REXO1: variants seen among roughly 807,000 people sequenced by gnomAD.
The protein encoded by REXO1 is REX1, RNA exonuclease 1 homolog.
REXO1 carries 42 observed loss-of-function variants against 102.6 expected under a neutral mutation model. The observed-to-expected ratio is 0.41, with a 90% confidence interval of 0.32 to 0.53. The LOEUF (loss-of-function observed/expected upper bound fraction) is 0.53, where lower values mean the gene tolerates loss of function less well. REXO1 is among the 20% of genes least tolerant of loss of function. REXO1 has a pLI of 0.27. For synonymous variants in REXO1, 908 were observed against 779.1 expected, an observed-to-expected ratio of 1.17 and a Z score of -2.76; for missense variants, 1,819 against 1,732.5, an observed-to-expected ratio of 1.05 and a Z score of -0.89.
At chr19:1,817,626 T>C in intron 11 of REXO1, 81 bp downstream of exon 11, 2 of 1,492,792 alleles carry the variant, frequency 1.3e-6, no homozygotes, top group Non-Finnish European at 9.1e-7. Flanking sequence ...GACTGTGCTG[T>C]GTCCCGAGAC....
chr19:1,838,569 G>C (rs1271055179), intron 1 of REXO1, among the ~76,000 whole-genome samples: 1 of 150,852 alleles, frequency 6.6e-6, no homozygotes, highest in Non-Finnish European at 1.5e-5. Context: ...GGAGGCTGAG[G>C]CAGGAGAATC....
At chr19:1,823,506 G>A (rs2069611618) in intron 4 of REXO1, 66 bp downstream of exon 4, 1 of 1,155,970 alleles carries the variant, frequency 8.7e-7, no homozygotes, top group Non-Finnish European at 1.1e-6. Context: ...AGAGACCTCA[G>A]GGTGCCACCT....
intron 1 of REXO1, among the ~76,000 whole-genome samples, chr19:1,846,258 C>G (rs565366623): frequency 4.6e-5 from 7 of 152,316 alleles, no homozygotes; most frequent in African/African-American, 1.7e-4. Flanking sequence ...CATGCATCCC[C>G]CCCTGTCCTC....
Position 1,817,696 on chromosome 19 carries a change from C to A in REXO1, c.3090+11G>T. Reference sequence around the variant, plus strand: ...AGAACAGGCAGAGGGGACTGGGACGCCAGGGCTCACCTTTGCGACTTGGCA... The same window carrying A: ...AGAACAGGCAGAGGGGACTGGGACGACAGGGCTCACCTTTGCGACTTGGCA... On this transcript the variant is annotated intron_variant, in intron 11 of 15. Coordinates refer to ENST00000170168, the MANE Select transcript of REXO1 (RefSeq NM_020695.4). 1 of 1,611,008 alleles carries A rather than the reference C, an allele frequency of 6.2e-7. No individual in the cohort carries two copies. Among genetic ancestry groups the A allele is most frequent in the Non-Finnish European group, 8.5e-7 (1 of 1,178,924 alleles).
At chr19:1,844,231 A>G (rs898111315) in intron 1 of REXO1, among the ~76,000 whole-genome samples, 5 of 152,222 alleles carry the variant, frequency 3.3e-5, no homozygotes, top group Non-Finnish European at 5.9e-5. Context: ...AGCCACGCGT[A>G]CACAGGTGAG....
intron 1 of REXO1, among the ~76,000 whole-genome samples, chr19:1,845,903 C>G (rs2042069381): frequency 6.6e-6 from 1 of 152,170 alleles, no homozygotes; most frequent in South Asian, 2.1e-4. Flanking sequence ...CCTGGAGGCT[C>G]CAGCCCTGCC....
At chr19:1,817,616 G>A in intron 11 of REXO1, 91 bp downstream of exon 11, 5 of 1,477,180 alleles carry the variant, frequency 3.4e-6, no homozygotes, top group Non-Finnish European at 1.8e-6. Context: ...CTGAGCCCAG[G>A]ACTGTGCTGT....
chr19:1,837,744 C>T (rs949565199), intron 1 of REXO1, among the ~76,000 whole-genome samples: 2 of 152,208 alleles, frequency 1.3e-5, no homozygotes, highest in Non-Finnish European at 2.9e-5. Context: ...TCCAAGGCAC[C>T]GCCCTCCCCA....
Position 1,820,244 on chromosome 19 carries a change from T to C in REXO1, c.2526+20A>G. The C allele has an allele frequency of 3.1e-6, 5 of 1,605,728 alleles. No homozygotes were observed. The highest frequency in any genetic ancestry group is 1.7e-5 in the Admixed American group (1 of 58,124). On this transcript the variant is annotated intron_variant, in intron 6 of 15. Coordinates refer to ENST00000170168, the MANE Select transcript of REXO1 (RefSeq NM_020695.4). Reference sequence around the variant, plus strand: ...CCTAGTCCCCACCCGACCGGCCAGATAGGAACTCCAGGACCTCACCTTCTC... The same window carrying C: ...CCTAGTCCCCACCCGACCGGCCAGACAGGAACTCCAGGACCTCACCTTCTC...
intron 1 of REXO1, among the ~76,000 whole-genome samples, chr19:1,836,743 C>CAAAAAA (rs1185957602): frequency 1.5e-5 from 1 of 64,598 alleles, no homozygotes; most frequent in Non-Finnish European, 2.8e-5. Flanking sequence ...AAGACTGTCT[C>CAAAAAA]AAAAAAAAAA....
chr19:1,836,661 A>G (rs987878852), intron 1 of REXO1, among the ~76,000 whole-genome samples: 3 of 144,952 alleles, frequency 2.1e-5, no homozygotes, highest in Non-Finnish European at 3.0e-5. Context: ...CAGGAGAATC[A>G]CTTGAACCCG....
chr19:1,839,492 G>A lies in REXO1; in HGVS notation c.157+8710C>T, dbSNP rs113336127. Among the ~76,000 whole-genome samples the A allele has an allele frequency of 9.2e-5, 14 of 152,320 alleles. 1 individual carries two copies. Among genetic ancestry groups the A allele is most frequent in the African/African-American group, 3.1e-4 (13 of 41,578 alleles). On this transcript the variant is annotated intron_variant, in intron 1 of 15. Coordinates refer to ENST00000170168, the MANE Select transcript of REXO1 (RefSeq NM_020695.4). ...GGGGTTCACAGGCTGTTCCTAGGAT[G>A]GGTGCCGTGGCGCCTAAGGAGGAAC...
At position 1,840,357 on chromosome 19, in the gene REXO1, G is replaced by A. The variant is rs796485319; in HGVS notation, c.157+7845C>T. Among the ~76,000 whole-genome samples, 19 of 152,272 alleles carry A rather than the reference G, an allele frequency of 1.2e-4. 2 individuals are homozygous for A. The highest frequency in any genetic ancestry group is 4.1e-4 in the African/African-American group (17 of 41,554). ...GACTCTCCAGACATGAGTCTCTGTG[G>A]GAACAGGAAGAGACTCCAGAAAGCT... On this transcript the variant is annotated intron_variant, in intron 1 of 15. Coordinates refer to ENST00000170168, the MANE Select transcript of REXO1 (RefSeq NM_020695.4).
chr19:1,821,012 CACCA>C (rs1425717865), intron 5 of REXO1, among the ~76,000 whole-genome samples: 3 of 143,564 alleles, frequency 2.1e-5, no homozygotes, highest in Non-Finnish European at 3.1e-5. Flanking sequence ...AAAAAAAAAA[CACCA>C]ACCAACCAAA....
rs779475833 is a variant in REXO1, at chr19:1,827,281, C to T, written c.1508G>A (p.Gly503Asp). 2.6e-6 allele frequency: 4 copies of T among 1,563,958 alleles called. No homozygotes were observed. The highest frequency in any genetic ancestry group is 3.4e-6 in the Non-Finnish European group (4 of 1,161,740). ...VERKARSLDE[G>D]ASQDAPKLKK... is the part of the protein sequence containing the mutation. Reference sequence around the variant, plus strand: ...CAGCTTGGGGGCGTCCTGGGAGGCGCCCTCGTCTAGTGAGCGGGCTTTCCG... The same window carrying T: ...CAGCTTGGGGGCGTCCTGGGAGGCGTCCTCGTCTAGTGAGCGGGCTTTCCG... The change falls in exon 2 of 16, where the codon GGC (glycine) becomes GAC (aspartate). Residue 503 changes from glycine (G) to aspartate (D), a missense_variant. Gly to Asp is a moderately conservative substitution (Grantham distance 94, BLOSUM62 -1). Coordinates refer to ENST00000170168, the MANE Select transcript of REXO1 (RefSeq NM_020695.4).
At chr19:1,822,064 G>GC in intron 4 of REXO1, 1 of 482,648 alleles carries the variant, frequency 2.1e-6, no homozygotes, top group Non-Finnish European at 3.6e-6. Context: ...CTGCCCTGCG[G>GC]CCTCTGTGTT....
intron 1 of REXO1, chr19:1,835,026 TG>T: frequency 2.5e-6 from 1 of 406,232 alleles, no homozygotes; most frequent in Non-Finnish European, 5.1e-6. Context: ...GGAAGTTGCC[TG>T]GGGCTCGGCC....
rs777825230 is a variant in REXO1 at position 1,826,913 on chromosome 19, C to T, written c.1876G>A (p.Val626Ile). The T allele has an allele frequency of 4.9e-5, 78 of 1,583,818 alleles. No homozygotes were observed. Among genetic ancestry groups the T allele is most frequent in the East Asian group, 4.1e-4 (18 of 43,716 alleles). Reference sequence around the variant, plus strand: ...AGCCGGCCTCTGTCCTCCGTCTTGACGCTGGTGGACTCGTTGAAGATCCGC... The same window carrying T: ...AGCCGGCCTCTGTCCTCCGTCTTGATGCTGGTGGACTCGTTGAAGATCCGC... The part of the protein sequence containing the change: ...CLRIFNESTS[V>I]KTEDRGRLAR... The change falls in exon 2 of 16, where the codon GTC (valine) becomes ATC (isoleucine). Residue 626 changes from valine (V) to isoleucine (I), a missense_variant. Val to Ile is a conservative substitution (Grantham distance 29). Coordinates refer to ENST00000170168, the MANE Select transcript of REXO1 (RefSeq NM_020695.4). This position sits in a 1 kb window ranked among gnomAD's most constrained non-coding sequence, Gnocchi z 4.3.
rs2069792318 is a variant in REXO1 at position 1,828,028 on chromosome 19, C to T, written c.761G>A (p.Arg254Gln). Residue 254 changes from arginine (R) to glutamine (Q), a missense_variant, in exon 2 of 16, where the codon CGG (arginine) becomes CAG (glutamine). Transcript: ENST00000170168. The stretch of plus-strand genomic sequence containing the variant: ...GGAGCCCCGGGGCCGCTTGGCGGCC[C>T]GCTCATCCCGGGAGCTGGCCCTGCT... ...HLSRASSRDE[R>Q]AAKRPRGSRG... The T allele has an allele frequency of 3.1e-6, 5 of 1,612,770 alleles. No homozygotes were observed. The highest frequency in any genetic ancestry group is 2.2e-5 in the East Asian group (1 of 44,854).
Sources: allele counts gnomAD v4.1 joint callset (sites outside exome capture counted in the v4.1 genomes callset), GRCh38; gene constraint gnomAD v4.1.1; non-coding constraint Gnocchi (gnomAD v3.1); transcripts MANE v1.5; gene names NCBI Gene and HGNC (gene_info 2026-07-23, HGNC 2026-07-21).